Variants in ELP4 observed in about 807,000 individuals in gnomAD.
ELP4 encodes the protein elongator complex protein 4.
Under a neutral mutation model 48.9 loss-of-function variants are expected in ELP4, and 51 were observed. That is an observed-to-expected ratio of 1.04 (90% CI 0.83 to 1.32). ELP4 has a LOEUF of 1.32. ELP4 is among the 40% of genes most tolerant of loss of function. The pLI, the probability that ELP4 is intolerant of heterozygous loss-of-function variation, is 0.00. For synonymous variants in ELP4, 210 were observed against 189.2 expected (o/e 1.11, Z -0.90); for missense variants, 519 against 514.6 (o/e 1.01, Z -0.08).
At position 31,723,378 on chromosome 11, in the gene ELP4, T is replaced by C. The variant is rs556602886; in HGVS notation, c.1144-60015T>C. Among the ~76,000 whole-genome samples, 10 of 146,866 alleles carry C rather than the reference T, an allele frequency of 6.8e-5. 1 individual carries two copies. Among genetic ancestry groups the C allele is most frequent in the Admixed American group, 2.7e-4 (4 of 14,840 alleles). On this transcript the variant is annotated intron_variant, in intron 9 of 9. Transcript: ENST00000640961. ...CTCCCCCAGGTCCACACATACTTCATTGTTCCCACAAACTTCACTTACAAA... is the reference window on the plus strand; with the variant it reads ...CTCCCCCAGGTCCACACATACTTCACTGTTCCCACAAACTTCACTTACAAA...
intron 3 of ELP4, among the ~76,000 whole-genome samples, chr11:31,545,444 A>G (rs1230925073): frequency 6.6e-6 from 1 of 152,122 alleles, no homozygotes; most frequent in Non-Finnish European, 1.5e-5. Context: ...AAAAAGAATA[A>G]AAAGAAACAA....
In ELP4 at chr11:31,789,905, T is replaced by C; in HGVS notation, c.*6381T>C. On this transcript the variant is annotated 3_prime_UTR_variant, in exon 10 of 10. Transcript: ENST00000640961. Reference sequence around the variant, plus strand: ...TCACTGACTGAATTAACACAATATTTCCTTTCCTTTTTTTTTTTTTTTTTT... The same window carrying C: ...TCACTGACTGAATTAACACAATATTCCCTTTCCTTTTTTTTTTTTTTTTTT... The C allele has an allele frequency of 3.3e-6, 5 of 1,532,192 alleles. No individual in the cohort carries two copies. The South Asian group carries it at 6.0e-5, about 18-fold the overall frequency. The allele number at this position is 1,532,192 out of a possible 1,614,324, so 94.9% of individuals were successfully genotyped here.
chr11:31,643,572 A>G (rs537218619), intron 7 of ELP4, among the ~76,000 whole-genome samples: 3 of 151,994 alleles, frequency 2.0e-5, no homozygotes, highest in Non-Finnish European at 2.9e-5. Context: ...CTCTAAGTAG[A>G]TATCTGAACC....
At chr11:31,517,724 C>G (rs1215126853) in intron 1 of ELP4, among the ~76,000 whole-genome samples, 1 of 151,896 alleles carries the variant, frequency 6.6e-6, no homozygotes, top group Non-Finnish European at 1.5e-5. Flanking sequence ...TCAAGCAATT[C>G]TCCTGCCTCA....
chr11:31,680,536 A>G (rs1565108880), intron 9 of ELP4, among the ~76,000 whole-genome samples: 1 of 152,174 alleles, frequency 6.6e-6, no homozygotes, highest in Non-Finnish European at 1.5e-5. Context: ...AGCAAGAAGG[A>G]AGCAAAGGGC....
intron 1 of ELP4, among the ~76,000 whole-genome samples, chr11:31,515,023 GTGTGTGTGTGTA>G (rs1370082150): frequency 7.3e-6 from 1 of 136,706 alleles, no homozygotes; most frequent in African/African-American, 2.8e-5. Flanking sequence ...GTGTGTGTGT[GTGTGTGTGTGTA>G]TATATATATA....
In ELP4 at chr11:31,789,647, T is replaced by C. The variant is rs924735815; in HGVS notation, c.*6123T>C. ...CATCCAGTCTACATTGTTCTTTTTT[T>C]CATTATAACATACAAATGCCCATTT... On this transcript the variant is annotated 3_prime_UTR_variant, in exon 10 of 10. Coordinates refer to ENST00000640961, the MANE Select transcript of ELP4 (RefSeq NM_019040.5). 3 of 698,358 alleles carry C rather than the reference T, an allele frequency of 4.3e-6. No individual in the cohort carries two copies. The Middle Eastern group carries it at 6.9e-4, about 162-fold the overall frequency. The allele number at this position is 698,358 out of a possible 1,614,324, so 43.3% of individuals were successfully genotyped here.
At chr11:31,655,742 T>A (rs558059541) in intron 9 of ELP4, among the ~76,000 whole-genome samples, 2 of 152,198 alleles carry the variant, frequency 1.3e-5, no homozygotes, top group African/African-American at 4.8e-5. Context: ...CAAAGATGGC[T>A]ACATGACTAG....
chr11:31,624,620 T>C (rs999576841), intron 5 of ELP4, among the ~76,000 whole-genome samples: 2 of 151,718 alleles, frequency 1.3e-5, no homozygotes, highest in Non-Finnish European at 3.0e-5. Flanking sequence ...ACTAAAAATA[T>C]TTTCCTTTCT....
intron 9 of ELP4, among the ~76,000 whole-genome samples, chr11:31,672,400 A>G (rs1945829135): frequency 6.6e-6 from 1 of 152,216 alleles, no homozygotes; most frequent in Non-Finnish European, 1.5e-5. Context: ...TGATTTTGTT[A>G]TAATGGCATT....
intron 9 of ELP4, among the ~76,000 whole-genome samples, chr11:31,781,005 T>C (rs1177695168): frequency 2.0e-5 from 3 of 152,236 alleles, no homozygotes; most frequent in African/African-American, 7.2e-5. Flanking sequence ...CTGTGATTTC[T>C]GGTTTGTGTC....
chr11:31,533,937 G>A (rs529606199), intron 2 of ELP4, among the ~76,000 whole-genome samples: 157 of 152,130 alleles, frequency 1.0e-3, no homozygotes, highest in African/African-American at 3.6e-3. Flanking sequence ...CCGGGTTCAC[G>A]CCATTCTCCT....
intron 9 of ELP4, among the ~76,000 whole-genome samples, chr11:31,671,945 G>A (rs1278476930): frequency 6.6e-6 from 1 of 152,136 alleles, no homozygotes; most frequent in Non-Finnish European, 1.5e-5. Context: ...GTCTGTTACA[G>A]TATTACGGTT....
rs778404882 is a variant in ELP4 at position 31,783,493 on chromosome 11, T to C, written c.1244T>C (p.Met415Thr). 1.1e-5 allele frequency: 18 copies of C among 1,614,034 alleles called. No individual in the cohort carries two copies. The African/African-American group carries it at 1.2e-4, about 11-fold the overall frequency. Reference protein sequence around the residue: ...AKRLGPGCGMMAGGKKHLDF With the variant: ...AKRLGPGCGMTAGGKKHLDF Reference sequence around the variant, plus strand: ...CGGCTGGGCCCAGGCTGTGGCATGATGGCCGGAGGCAAGAAGCACCTGGAC... The same window carrying C: ...CGGCTGGGCCCAGGCTGTGGCATGACGGCCGGAGGCAAGAAGCACCTGGAC... The change falls in exon 10 of 10, where the codon ATG becomes ACG. Residue 415 changes from methionine to threonine, a missense_variant. Transcript: ENST00000640961.
intron 3 of ELP4, among the ~76,000 whole-genome samples, chr11:31,567,868 TGGTATA>T (rs1957137084): frequency 6.6e-6 from 1 of 152,354 alleles, no homozygotes; most frequent in African/African-American, 2.4e-5. Context: ...ATCTTGTTGC[TGGTATA>T]GAGTCTTGCC....
At chr11:31,658,988 T>C (rs1945498096) in intron 9 of ELP4, among the ~76,000 whole-genome samples, 2 of 152,040 alleles carry the variant, frequency 1.3e-5, no homozygotes, top group South Asian at 2.1e-4. Flanking sequence ...TTGTAAAATG[T>C]TTTCCTCTTT....
At chr11:31,559,927 A>G (rs1592116595) in intron 3 of ELP4, among the ~76,000 whole-genome samples, 1 of 151,536 alleles carries the variant, frequency 6.6e-6, no homozygotes, top group East Asian at 1.9e-4. Flanking sequence ...AAAAAGGCAA[A>G]TCAGTTTTGT....
At chr11:31,613,489 T>C (rs963177534) in intron 5 of ELP4, among the ~76,000 whole-genome samples, 7 of 152,146 alleles carry the variant, frequency 4.6e-5, no homozygotes, top group East Asian at 1.9e-4. Flanking sequence ...TGTTTATTGG[T>C]AAAACTCTTC....
intron 5 of ELP4, among the ~76,000 whole-genome samples, chr11:31,604,912 G>C (rs1426524387): frequency 6.6e-6 from 1 of 151,930 alleles, no homozygotes; most frequent in Non-Finnish European, 1.5e-5. Flanking sequence ...CAGCCACTCT[G>C]TTAGGCACTT....
Sources: gnomAD v4.1 joint callset for allele counts (sites outside exome capture counted in the v4.1 genomes callset) on GRCh38, gnomAD v4.1.1 for gene constraint, MANE v1.5 for transcripts, NCBI Gene and HGNC (gene_info 2026-07-23, HGNC 2026-07-21) for gene names.